Variants in ABCA2 observed in about 807,000 individuals in gnomAD.
ABCA2 encodes ATP binding cassette subfamily A member 2, also known as ATP-binding cassette sub-family A member 2.
A neutral mutation model predicts 262.8 loss-of-function variants in ABCA2; 84 were observed. The ratio of observed to expected loss-of-function variants is 0.32; its 90% CI spans 0.27 to 0.38. The LOEUF is 0.38. Ranked by LOEUF, ABCA2 falls within the 10% of genes least tolerant of loss-of-function variation. The probability of loss-of-function intolerance (pLI) is 1.00; values close to 1 mark genes in which losing one functional copy is unlikely to be tolerated. For synonymous variants in ABCA2, 1,696 were observed against 1,502.9 expected, an observed-to-expected ratio of 1.13 and a Z score of -2.97; for missense variants, 2,662 against 3,405.9, an observed-to-expected ratio of 0.78 and a Z score of 5.44.
At chr9:137,020,161 G>C (rs1239329911) in intron 10 of ABCA2, 175 bp downstream of exon 10, 1 of 788,004 alleles carries the variant, frequency 1.3e-6, no homozygotes, top group South Asian at 1.8e-5. Context: ...TGGAGCTCCC[G>C]AAAGGAAAAG....
rs752929402 is a variant in ABCA2 at position 137,018,877 on chromosome 9, G to A, written c.1722+26C>T. 5 of 1,612,168 alleles carry A rather than the reference G, an allele frequency of 3.1e-6. No homozygotes were observed. The South Asian group carries it at 5.5e-5, about 18-fold the overall frequency. ...ATGTGCGAGGCAGGGGGTGTCGTGGGTTGGCTCGGAGGCCCCACCGCTCAC... is the reference window on the plus strand; with the variant it reads ...ATGTGCGAGGCAGGGGGTGTCGTGGATTGGCTCGGAGGCCCCACCGCTCAC... On this transcript the variant is annotated intron_variant, in intron 12 of 48. Transcript: ENST00000341511.
At chr9:137,017,922 G>GGC in intron 15 of ABCA2, 21 bp from the exon 16 acceptor site, 1 of 1,612,234 alleles carries the variant, frequency 6.2e-7, no homozygotes, top group Non-Finnish European at 8.5e-7. Flanking sequence ...GCCGCGCTCA[G>GGC]GCGCCACTCA....
intron 26 of ABCA2, 120 bp from the exon 27 acceptor site, chr9:137,014,524 G>T: frequency 6.9e-7 from 1 of 1,443,016 alleles, no homozygotes; most frequent in Non-Finnish European, 9.3e-7. Flanking sequence ...GGGACCTCTG[G>T]CCACCAGGAC....
Position 137,022,478 on chromosome 9 carries a change from A to C in ABCA2, c.440T>G (p.Val147Gly), listed in dbSNP as rs1831505969. The C allele has an allele frequency of 6.2e-7, 1 of 1,611,266 alleles. No individual in the cohort carries two copies. Residue 147 changes from valine to glycine, a missense_variant and splice_region_variant, in exon 6 of 49, where the codon GTG becomes GGG. Around this residue, in one of 12 missense-constraint regions of ABCA2, gnomAD observed 403 missense variants for 375.9 expected, o/e 1.07. Coordinates refer to ENST00000341511, the MANE Select transcript of ABCA2 (RefSeq NM_001606.5). ...CACCGAGTCCAGAGAGAAGGAAGAC[A>C]CTGGACAGGCAGGAAGGCGAGGCTG... The part of the protein sequence containing the change: ...TSGSHLDRST[V>G]SSFSLDSVAR...
At chr9:137,025,579 G>A (rs772949472) in intron 1 of ABCA2, among the ~76,000 whole-genome samples, 8 of 152,222 alleles carry the variant, frequency 5.3e-5, no homozygotes, top group Non-Finnish European at 1.0e-4. Context: ...TCCCATGCCC[G>A]CCCCAGCCCG....
chr9:137,018,661 T>A, intron 13 of ABCA2, 58 bp downstream of exon 13: 1 of 1,021,046 alleles, frequency 9.8e-7, no homozygotes, highest in Non-Finnish European at 1.2e-6. Flanking sequence ...CGGGTGGGGC[T>A]GGGCTGGGGA....
rs781510979 is a variant in ABCA2, at chr9:137,017,798, G to A, written c.2200C>T (p.Arg734Trp). ...IQHIVAEKEH[R>W]LKEVMKTMGL... ...CCCGGCCCGCGCACCTCCTTGAGCCGGTGCTCCTTCTCCGCCACGATGTGC... is the reference window on the plus strand; with the variant it reads ...CCCGGCCCGCGCACCTCCTTGAGCCAGTGCTCCTTCTCCGCCACGATGTGC... Residue 734 changes from arginine (R) to tryptophan (W), a missense_variant, in exon 16 of 49, where the codon CGG becomes TGG. Around this residue, in one of 12 missense-constraint regions of ABCA2, gnomAD observed 188 missense variants for 343.4 expected, o/e 0.55. Coordinates refer to ENST00000341511, the MANE Select transcript of ABCA2 (RefSeq NM_001606.5). 3 of 1,612,422 alleles carry A rather than the reference G, an allele frequency of 1.9e-6. No individual in the cohort carries two copies.
rs1237686651 is a variant in ABCA2, at chr9:137,014,315, C to T, written c.4093G>A (p.Glu1365Lys). 1 of 1,610,148 alleles carries T rather than the reference C, an allele frequency of 6.2e-7. No individual in the cohort carries two copies. The highest frequency in any genetic ancestry group is 1.1e-5 in the South Asian group (1 of 90,536). ...GHAGNLARCS[E>K]LTQSQASLQS... ...AGCGATGCCTGCGACTGGGTCAGCT[C>T]CGAGCACCGGGCCAGATTGCCAGCG... The change falls in exon 27 of 49, where the codon GAG becomes AAG. Residue 1365 changes from glutamate (E) to lysine (K), a missense_variant. By Grantham distance (56) the Glu-to-Lys change is moderately conservative. Coordinates refer to ENST00000341511, the MANE Select transcript of ABCA2 (RefSeq NM_001606.5).
chr9:137,015,418 G>C lies in ABCA2; in HGVS notation c.3693C>G (p.Pro1231=), dbSNP rs769243066. 7 of 1,562,000 alleles carry C rather than the reference G, an allele frequency of 4.5e-6. No individual in the cohort carries two copies. The East Asian group carries it at 1.4e-4, about 32-fold the overall frequency. The change falls in exon 24 of 49, where the codon CCC becomes CCG. Residue 1231 remains proline, a synonymous_variant. Transcript: ENST00000341511. ...LVKRPAEPGG[P]QEPGLASSPP... is the part of the protein sequence containing the mutation. ...TCAGGCAGCTTCAACACAGACCTTGGGGGCCCCCCGGCTCGGCGGGCCGCT... is the reference window on the plus strand; with the variant it reads ...TCAGGCAGCTTCAACACAGACCTTGCGGGCCCCCCGGCTCGGCGGGCCGCT...
rs140319041 is a variant in ABCA2, at chr9:137,020,367, G to A, written c.1394C>T (p.Ala465Val). 9.8e-4 allele frequency: 1,573 copies of A among 1,612,960 alleles called. 3 individuals carry two copies. The highest frequency in any genetic ancestry group is 1.2e-3 in the Non-Finnish European group (1,456 of 1,179,976). ...GATGACGCGGTCGACCTCAGAGCCC[G>A]CAGGCGCGTACAGGATTTTGGGGTT... is the stretch of plus-strand genomic sequence containing the variant. ...TSNPKILYAP[A>V]GSEVDRVILK... The change falls in exon 10 of 49, where the codon GCG becomes GTG. Residue 465 changes from alanine (A) to valine (V), a missense_variant. Ala to Val is a moderately conservative substitution (Grantham distance 64). This residue lies in a region of ABCA2 where 92 missense variants were observed against 146.7 expected (regional missense o/e 0.63). Coordinates refer to ENST00000341511, the MANE Select transcript of ABCA2 (RefSeq NM_001606.5).
In ABCA2 at chr9:137,018,776, T is replaced by C. The variant is rs748695413; in HGVS notation, c.1762A>G (p.Ser588Gly). Residue 588 changes from serine (S) to glycine (G), a missense_variant, in exon 13 of 49, where the codon AGC (serine) becomes GGC (glycine). Ser to Gly is a moderately conservative substitution (Grantham distance 56, BLOSUM62 0). Coordinates refer to ENST00000341511, the MANE Select transcript of ABCA2 (RefSeq NM_001606.5). The stretch of plus-strand genomic sequence containing the variant: ...TGGTTGAGGGTGTAGTTGACAATGC[T>C]CTCCTCGTCGGGGAAGCCCTTGAAG... ...DIFKGFPDEE[S>G]IVNYTLNQAY... 11 of 1,612,310 alleles carry C rather than the reference T, an allele frequency of 6.8e-6. No homozygotes were observed. The highest frequency in any genetic ancestry group is 7.6e-6 in the Non-Finnish European group (9 of 1,179,812).
Position 137,012,006 on chromosome 9 carries a change from C to T in ABCA2, c.5373G>A (p.Thr1791=), listed in dbSNP as rs774143637. The T allele has an allele frequency of 3.1e-5, 50 of 1,612,276 alleles. No individual in the cohort carries two copies. Among genetic ancestry groups the T allele is most frequent in the Non-Finnish European group, 4.1e-5 (48 of 1,179,810 alleles). The change falls in exon 35 of 49, where the codon ACG becomes ACA. Residue 1791 remains threonine, a synonymous_variant. Transcript: ENST00000341511. ...SLSLDYLLQG[T]DVVIAIFIIV... ...TGATGAAGATGGCGATGACGACATC[C>T]GTGCCCTGCAGCCTGGGGCAAGGAA...
Position 137,007,663 on chromosome 9 carries a change from GGGCAGACCCCGA to G in ABCA2, c.*254_*265del. On this transcript the variant is annotated 3_prime_UTR_variant, in exon 49 of 49. Coordinates refer to ENST00000341511, the MANE Select transcript of ABCA2 (RefSeq NM_001606.5). Reference sequence around the variant, plus strand: ...CAGTGCCAGGCAGGGGCGAGGGGCCGGGCAGACCCCGAGGCTTTAAGGCAAAGCAGGGCAAGG... The same window carrying G: ...CAGTGCCAGGCAGGGGCGAGGGGCCGGGCTTTAAGGCAAAGCAGGGCAAGG... 1.8e-6 allele frequency: 1 copy of G among 561,000 alleles called. No homozygotes were observed. The highest frequency in any genetic ancestry group is 2.0e-5 in the South Asian group (1 of 49,220). The allele number at this position is 561,000 out of a possible 1,614,324, so 34.8% of individuals were successfully genotyped here. A position where few individuals can be genotyped will look rare whatever the true frequency, so the allele number is the denominator to read the frequency against.
In ABCA2 at chr9:137,014,988, T is replaced by C; in HGVS notation, c.3807A>G (p.Ser1269=). The stretch of plus-strand genomic sequence containing the variant: ...TGTAGGAGAGCTCCGTGCTTGTGTC[T>C]GAGACCAGCAGGCAGGAGGCCACAT... ...RKHVASCLLV[S]DTSTELSYIL... Residue 1269 remains serine, a synonymous_variant, in exon 25 of 49, where the codon TCA becomes TCG. Coordinates refer to ENST00000341511, the MANE Select transcript of ABCA2 (RefSeq NM_001606.5). The C allele has an allele frequency of 6.3e-7, 1 of 1,590,646 alleles. No individual in the cohort carries two copies. The highest frequency in any genetic ancestry group is 1.7e-5 in the Admixed American group (1 of 57,228).
chr9:137,008,310 G>A, intron 48 of ABCA2, 106 bp downstream of exon 48: 2 of 1,322,700 alleles, frequency 1.5e-6, no homozygotes, highest in African/African-American at 1.5e-5. Flanking sequence ...TGGACAGCAA[G>A]CATCCTGGGG....
intron 32 of ABCA2, 25 bp downstream of exon 32, chr9:137,012,460 G>T: frequency 6.2e-7 from 1 of 1,610,096 alleles, no homozygotes; most frequent in Non-Finnish European, 8.5e-7. Flanking sequence ...CACACAGCGG[G>T]GCCCAGGCCC....
At chr9:137,012,454 C>A in intron 32 of ABCA2, 31 bp downstream of exon 32, 1 of 1,609,820 alleles carries the variant, frequency 6.2e-7, no homozygotes, top group Non-Finnish European at 8.5e-7. Context: ...GCGCTACACA[C>A]AGCGGGGCCC....
Position 137,014,542 on chromosome 9 carries a change from C to T in ABCA2, c.4004-138G>A. Reference sequence around the variant, plus strand: ...ACCTCTGGCCACCAGGACCACCCACCTAGGACCGCAGGCTAACCCCGGGGC... The same window carrying T: ...ACCTCTGGCCACCAGGACCACCCACTTAGGACCGCAGGCTAACCCCGGGGC... On this transcript the variant is annotated intron_variant, in intron 26 of 48. Coordinates refer to ENST00000341511, the MANE Select transcript of ABCA2 (RefSeq NM_001606.5). 4 of 1,459,724 alleles carry T rather than the reference C, an allele frequency of 2.7e-6. No homozygotes were observed. The South Asian group carries it at 5.4e-5, about 20-fold the overall frequency. The allele number at this position is 1,459,724 out of a possible 1,614,324, so 90.4% of individuals were successfully genotyped here.
Position 137,009,807 on chromosome 9 carries a change from C to T in ABCA2, c.6592G>A (p.Ala2198Thr). ...SGGNKRKLST[A>T]IALIGYPAFI... ...GCTGGGTACCCAATGAGGGCGATGG[C>T]CGTGGAGAGCTTCCGCTTGTTGCCG... The change falls in exon 43 of 49, where the codon GCC becomes ACC. Residue 2198 changes from alanine (A) to threonine (T), a missense_variant. Transcript: ENST00000341511. 6.2e-7 allele frequency: 1 copy of T among 1,612,398 alleles called. No homozygotes were observed. The highest frequency in any genetic ancestry group is 8.5e-7 in the Non-Finnish European group (1 of 1,179,714).
Sources: allele counts gnomAD v4.1 joint callset (sites outside exome capture counted in the v4.1 genomes callset), GRCh38; gene constraint gnomAD v4.1.1; regional missense constraint gnomAD v4.1.1; transcripts MANE v1.5; gene names NCBI Gene and HGNC (gene_info 2026-07-23, HGNC 2026-07-21).